Variants in ADH5 observed in about 807,000 individuals in gnomAD.
ADH5 encodes alcohol dehydrogenase 5 (class III), chi polypeptide.
In ADH5, 32 loss-of-function variants were observed where a neutral mutation model predicts 40.3. That is an observed-to-expected ratio of 0.79 (90% confidence interval 0.60 to 1.07). The LOEUF (loss-of-function observed/expected upper bound fraction) is 1.07, where lower values mean the gene tolerates loss of function less well. ADH5 is among the 50% of genes least tolerant of loss of function. The pLI is 0.00. For missense variants in ADH5, 353 were observed against 460.5 expected, an observed-to-expected ratio of 0.77 and a Z score of 2.14; for synonymous variants, 125 against 154.3, an observed-to-expected ratio of 0.81 and a Z score of 1.41.
chr4:99,085,127 T>G lies in ADH5; in HGVS notation c.102A>C (p.Glu34Asp). The G allele has an allele frequency of 6.6e-7, 1 of 1,513,822 alleles. No individual in the cohort carries two copies. Among genetic ancestry groups the G allele is most frequent in the African/African-American group, 1.4e-5 (1 of 71,852 alleles). 93.8% of individuals were successfully genotyped at this position (1,513,822 alleles called of 1,614,324 possible). A position where few individuals can be genotyped will look rare whatever the true frequency, so the allele number is the denominator to read the frequency against. Residue 34 changes from glutamate (E) to aspartate (D), a missense_variant, in exon 2 of 9, where the codon GAA (glutamate) becomes GAC (aspartate). By Grantham distance (45) the Glu-to-Asp change is conservative. Coordinates refer to ENST00000296412, the MANE Select transcript of ADH5 (RefSeq NM_000671.4). ...EIEVAPPKAH[E>D]VRIKIIATAV... ...AATGTATCATTACCTTGATTCGAACTTCATGAGCCTTTGGGGGTGCCACCT... is the reference window on the plus strand; with the variant it reads ...AATGTATCATTACCTTGATTCGAACGTCATGAGCCTTTGGGGGTGCCACCT...
At chr4:99,086,772 C>T (rs1728142220) in intron 1 of ADH5, among the ~76,000 whole-genome samples, 1 of 149,620 alleles carries the variant, frequency 6.7e-6, no homozygotes, top group Admixed American at 6.6e-5. Context: ...AACCCCGTCT[C>T]TACTAAAAAT....
chr4:99,086,670 C>T (rs952247600), intron 1 of ADH5, among the ~76,000 whole-genome samples: 11 of 151,932 alleles, frequency 7.2e-5, no homozygotes, highest in Non-Finnish European at 1.6e-4. Flanking sequence ...CCTGGCCGGG[C>T]GCGGTGGCTC....
chr4:99,081,994 T>G lies in ADH5; in HGVS notation c.237A>C (p.Gly79=), dbSNP rs1415939257. The change falls in exon 3 of 9, where the codon GGA becomes GGC. Residue 79 remains glycine, a synonymous_variant. Transcript: ENST00000296412. ...GAGIVESVGE[G]VTKLKAGDTV... is the part of the protein sequence containing the mutation. ...CCTTACCCGCCTTCAGCTTAGTAAC[T>G]CCCTCACCAACACTTTCCACAATTC... is the stretch of plus-strand genomic sequence containing the variant. 2 of 1,613,770 alleles carry G rather than the reference T, an allele frequency of 1.2e-6. No homozygotes were observed. Among genetic ancestry groups the G allele is most frequent in the South Asian group, 1.1e-5 (1 of 91,082 alleles).
In ADH5 at chr4:99,072,199, A is replaced by G. The variant is rs12106; in HGVS notation, c.*218T>C. 60,355 of 456,624 alleles carry G rather than the reference A, an allele frequency of 0.13. 4,879 individuals are homozygous for G. Among genetic ancestry groups the G allele is most frequent in the African/African-American group, 0.27 (13,332 of 49,344 alleles). 28.3% of individuals were successfully genotyped at this position (456,624 alleles called of 1,614,324 possible). A position where few individuals can be genotyped will look rare whatever the true frequency, so the allele number is the denominator to read the frequency against. On this transcript the variant is annotated 3_prime_UTR_variant, in exon 9 of 9. Coordinates refer to ENST00000296412, the MANE Select transcript of ADH5 (RefSeq NM_000671.4). Reference sequence around the variant, plus strand: ...ATTATGTTAAAATATTCCTTAATAAACTAGCAATTATTTATGTGGAGGAGC... The same window carrying G: ...ATTATGTTAAAATATTCCTTAATAAGCTAGCAATTATTTATGTGGAGGAGC...
At chr4:99,073,783 C>T (rs1373743003) in intron 7 of ADH5, among the ~76,000 whole-genome samples, 2 of 152,178 alleles carry the variant, frequency 1.3e-5, no homozygotes, top group Non-Finnish European at 2.9e-5. Flanking sequence ...CTCAATGATA[C>T]AATGAATTTC....
chr4:99,086,758 G>A (rs940508777), intron 1 of ADH5, among the ~76,000 whole-genome samples: 6 of 149,734 alleles, frequency 4.0e-5, no homozygotes, highest in African/African-American at 1.5e-4. Flanking sequence ...TCCTGGCTAG[G>A]TGAAACCCCG....
At chr4:99,074,250 C>T (rs563062695) in intron 7 of ADH5, among the ~76,000 whole-genome samples, 3 of 152,214 alleles carry the variant, frequency 2.0e-5, no homozygotes, top group East Asian at 3.9e-4. Context: ...TAGACTCATT[C>T]ATTCACAACT....
chr4:99,076,872 G>C lies in ADH5; in HGVS notation c.396C>G (p.Cys132Trp). Residue 132 changes from cysteine to tryptophan, a missense_variant, in exon 5 of 9, where the codon TGC (cysteine) becomes TGG (tryptophan). Cys to Trp is a radical substitution (Grantham distance 215, BLOSUM62 -2). Transcript: ENST00000296412. ...TGTAATGCAAAATTGTCTTTCCTTTGCAAGTAAATCTGCTGGTACCATCTG... is the reference window on the plus strand; with the variant it reads ...TGTAATGCAAAATTGTCTTTCCTTTCCAAGTAAATCTGCTGGTACCATCTG... ...LMPDGTSRFT[C>W]KGKTILHYMG... 2 of 1,613,658 alleles carry C rather than the reference G, an allele frequency of 1.2e-6. No homozygotes were observed. Among genetic ancestry groups the C allele is most frequent in the East Asian group, 2.2e-5 (1 of 44,874 alleles).
chr4:99,080,418 G>A (rs1442821199), intron 4 of ADH5: 1 of 164,316 alleles, frequency 6.1e-6, no homozygotes, highest in Non-Finnish European at 1.3e-5. Flanking sequence ...GGTTAACATA[G>A]GGTACCACAG....
At chr4:99,076,063 A>G (rs918818156) in intron 6 of ADH5, 12 of 514,706 alleles carry the variant, frequency 2.3e-5, no homozygotes, top group Non-Finnish European at 3.8e-5. Context: ...TTCATGAGAC[A>G]TGCACTTAGC....
intron 1 of ADH5, among the ~76,000 whole-genome samples, chr4:99,086,545 A>G (rs1303686330): frequency 6.6e-6 from 1 of 152,184 alleles, no homozygotes; most frequent in Non-Finnish European, 1.5e-5. Context: ...TTGGTTTGGG[A>G]GAGCTTCACT....
chr4:99,084,389 T>C (rs1002224312), intron 2 of ADH5, among the ~76,000 whole-genome samples: 1 of 152,136 alleles, frequency 6.6e-6, no homozygotes, highest in Non-Finnish European at 1.5e-5. Context: ...AGGCTAATCA[T>C]AGTGCATTTG....
Position 99,085,517 on chromosome 4 carries a change from C to T in ADH5, c.13-301G>A, listed in dbSNP as rs532817710. 1.4e-4 allele frequency: 41 copies of T among 285,474 alleles called. 1 individual carries two copies. The South Asian group carries it at 2.0e-3, about 14-fold the overall frequency. 17.7% of individuals were successfully genotyped at this position (285,474 alleles called of 1,614,324 possible). A position where few individuals can be genotyped will look rare whatever the true frequency, so the allele number is the denominator to read the frequency against. ...AAAAGCAGGTTAAGAACACAAGTTC[C>T]GAGAGAATCTGATTCAGCAGGTCTG... On this transcript the variant is annotated intron_variant, in intron 1 of 8. Coordinates refer to ENST00000296412, the MANE Select transcript of ADH5 (RefSeq NM_000671.4).
At chr4:99,080,531 G>T (rs28730602) in intron 4 of ADH5, 24,264 of 152,690 alleles carry the variant, frequency 0.16, 2,228 homozygotes, top group African/African-American at 0.27. Context: ...GGAGACAGAA[G>T]GCAGACACCC....
chr4:99,075,151 G>A, intron 6 of ADH5, 102 bp from the exon 7 acceptor site: 3 of 987,222 alleles, frequency 3.0e-6, no homozygotes, highest in Non-Finnish European at 4.3e-6. Flanking sequence ...TAAAGATAAT[G>A]GCAACAAAAG....
chr4:99,072,426 T>C lies in ADH5; in HGVS notation c.1116A>G (p.Val372=), dbSNP rs1377079556. 11 of 1,613,344 alleles carry C rather than the reference T, an allele frequency of 6.8e-6. No homozygotes were observed. The highest frequency in any genetic ancestry group is 9.3e-6 in the Non-Finnish European group (11 of 1,179,454). ...MHSGKSIRTV[V]KI ...ATTTTTCTCTTTTGAATTAAATCTT[T>C]ACAACAGTTCGAATGCTGTAAAAGG... Residue 372 remains valine (V), a synonymous_variant, in exon 9 of 9, where the codon GTA becomes GTG. Coordinates refer to ENST00000296412, the MANE Select transcript of ADH5 (RefSeq NM_000671.4).
rs1579359512 is a variant in ADH5, at chr4:99,072,233, A to G, written c.*184T>C. ...TATTTATGTGGAGGAGCATCCAGAA[A>G]ACAGGTTCATGACTGAATTATCCTT... On this transcript the variant is annotated 3_prime_UTR_variant, in exon 9 of 9. Transcript: ENST00000296412. The G allele has an allele frequency of 2.1e-6, 1 of 487,258 alleles. No homozygotes were observed. The highest frequency in any genetic ancestry group is 3.7e-6 in the Non-Finnish European group (1 of 272,020). The allele number at this position is 487,258 out of a possible 1,614,324, so 30.2% of individuals were successfully genotyped here. A position where few individuals can be genotyped will look rare whatever the true frequency, so the allele number is the denominator to read the frequency against.
intron 1 of ADH5, 80 bp downstream of exon 1, chr4:99,088,609 C>T (rs993368770): frequency 1.4e-6 from 2 of 1,402,302 alleles, no homozygotes. Flanking sequence ...GAGCCTCGCG[C>T]GCCCCCGAGG....
In ADH5 at chr4:99,076,717, A is replaced by G. The variant is rs781459853; in HGVS notation, c.551T>C (p.Val184Ala). ...CGISTGYGAA[V>A]NTAKLEPGSV... ...TCAGTCTCTTACCTTGGCAGTGTTCACAGCAGCACCATAACCGGTTGAAAT... is the reference window on the plus strand; with the variant it reads ...TCAGTCTCTTACCTTGGCAGTGTTCGCAGCAGCACCATAACCGGTTGAAAT... Residue 184 changes from valine (V) to alanine (A), a missense_variant, in exon 5 of 9, where the codon GTG becomes GCG. Physicochemically the swap from Val to Ala is moderately conservative, Grantham distance 64. Coordinates refer to ENST00000296412, the MANE Select transcript of ADH5 (RefSeq NM_000671.4). The G allele has an allele frequency of 6.2e-7, 1 of 1,614,012 alleles. No homozygotes were observed. The highest frequency in any genetic ancestry group is 8.5e-7 in the Non-Finnish European group (1 of 1,179,878).
Sources: allele counts gnomAD v4.1 joint callset (sites outside exome capture counted in the v4.1 genomes callset), GRCh38; gene constraint gnomAD v4.1.1; transcripts MANE v1.5; gene names NCBI Gene and HGNC (gene_info 2026-07-23, HGNC 2026-07-21).